The following DZIP3 variants were observed in gnomAD, a reference collection of about 807,000 sequenced individuals.
DZIP3 encodes DAZ interacting zinc finger protein 3.
In DZIP3, 118 loss-of-function variants were observed where a neutral mutation model predicts 162.0. The observed-to-expected ratio is 0.73, with a 90% CI of 0.63 to 0.85. The LOEUF (loss-of-function observed/expected upper bound fraction) is 0.85, where lower values mean the gene tolerates loss of function less well. Among genes scored for constraint, DZIP3 ranks in the 40% least tolerant of loss-of-function variants. The pLI is 0.00. For synonymous variants in DZIP3, 438 were observed against 458.6 expected, an observed-to-expected ratio of 0.96 and a Z score of 0.57; for missense variants, 1,331 against 1,407.0, an observed-to-expected ratio of 0.95 and a Z score of 0.86.
At chr3:108,650,132 G>A (rs1239114566) in intron 17 of DZIP3, among the ~76,000 whole-genome samples, 1 of 151,842 alleles carries the variant, frequency 6.6e-6, no homozygotes, top group African/African-American at 2.4e-5. Flanking sequence ...ATATGGTAAT[G>A]CTCAAGCTCT....
chr3:108,659,549 C>G (rs1273950288), intron 19 of DZIP3, among the ~76,000 whole-genome samples: 1 of 152,048 alleles, frequency 6.6e-6, no homozygotes, highest in African/African-American at 2.4e-5. Flanking sequence ...TGGGCAAAAA[C>G]TGGAAGCATT....
chr3:108,631,480 A>G lies in DZIP3; in HGVS notation c.697-1473A>G, dbSNP rs181210553. On this transcript the variant is annotated intron_variant, in intron 8 of 32. Coordinates refer to ENST00000361582, the MANE Select transcript of DZIP3 (RefSeq NM_014648.4). ...CAGCCTCAACCTCCTGTGCTCAAGC[A>G]ATTCTTTTCCTTCAGCCTCCCAAGT... Among the ~76,000 whole-genome samples, 368 of 151,646 alleles carry G rather than the reference A, an allele frequency of 2.4e-3. 2 individuals are homozygous for G. The highest frequency in any genetic ancestry group is 8.4e-3 in the African/African-American group (349 of 41,398).
chr3:108,689,548 G>A (rs531505286), intron 31 of DZIP3, among the ~76,000 whole-genome samples: 3 of 152,152 alleles, frequency 2.0e-5, no homozygotes, highest in South Asian at 2.1e-4. Flanking sequence ...TTAGCCGGGC[G>A]TGGTGGCGGG....
chr3:108,631,055 A>ACTCTCTCTCTCTCTCTCTCTCTCTCTCT (rs1270598841), intron 8 of DZIP3, among the ~76,000 whole-genome samples: 1 of 18,006 alleles, frequency 5.6e-5, no homozygotes, highest in Non-Finnish European at 9.0e-5. Flanking sequence ...ACACACACAC[A>ACTCTCTCTCTCTCTCTCTCTCTCTCTCT]CTCTCTCTCT....
intron 24 of DZIP3, 49 bp from the exon 25 acceptor site, chr3:108,675,737 G>T (rs758589066): frequency 3.3e-6 from 5 of 1,521,766 alleles, no homozygotes; most frequent in Middle Eastern, 1.7e-4. Flanking sequence ...GGAAACCTAA[G>T]TGTTATAAAA....
chr3:108,666,840 T>C (rs773943490), intron 21 of DZIP3, among the ~76,000 whole-genome samples: 17 of 152,064 alleles, frequency 1.1e-4, no homozygotes, highest in Admixed American at 4.6e-4. Flanking sequence ...TGAATTTACA[T>C]GAAAATACAA....
chr3:108,629,028 G>T, intron 7 of DZIP3, 34 bp from the exon 8 acceptor site: 1 of 1,413,712 alleles, frequency 7.1e-7, no homozygotes. Context: ...ACACAGTCCC[G>T]TTCAAACTAA....
intron 10 of DZIP3, 87 bp downstream of exon 10, chr3:108,635,059 C>T (rs879927113): frequency 1.5e-5 from 11 of 735,596 alleles, no homozygotes; most frequent in Non-Finnish European, 2.4e-5. Context: ...TCTTCCTGTT[C>T]ATAACTTCCC....
rs1373169440 is a variant in DZIP3, at chr3:108,646,784, T to G, written c.1792+135T>G. The G allele has an allele frequency of 4.9e-6, 3 of 614,608 alleles. No individual in the cohort carries two copies. The African/African-American group carries it at 5.9e-5, about 12-fold the overall frequency. The allele number at this position is 614,608 out of a possible 1,614,324, so 38.1% of individuals were successfully genotyped here. ...TGGGCCAGGCGCAGTGGCTCACGCCTATAATCCCTGTACTTTGGGAGGCTG... is the reference window on the plus strand; with the variant it reads ...TGGGCCAGGCGCAGTGGCTCACGCCGATAATCCCTGTACTTTGGGAGGCTG... On this transcript the variant is annotated intron_variant, in intron 15 of 32. Coordinates refer to ENST00000361582, the MANE Select transcript of DZIP3 (RefSeq NM_014648.4).
intron 14 of DZIP3, among the ~76,000 whole-genome samples, chr3:108,646,264 A>C (rs1361340392): frequency 6.6e-6 from 1 of 152,232 alleles, no homozygotes; most frequent in Non-Finnish European, 1.5e-5. Flanking sequence ...ATTGCTAAAA[A>C]TAGGTCCCAA....
intron 21 of DZIP3, among the ~76,000 whole-genome samples, chr3:108,662,666 C>T (rs1284426673): frequency 6.6e-6 from 1 of 152,106 alleles, no homozygotes; most frequent in Non-Finnish European, 1.5e-5. Flanking sequence ...TCTAAGCCTG[C>T]GAGATTGAAA....
intron 22 of DZIP3, among the ~76,000 whole-genome samples, chr3:108,670,702 C>T (rs2107345292): frequency 6.6e-6 from 1 of 151,970 alleles, no homozygotes; most frequent in South Asian, 2.1e-4. Context: ...AATTGCCAAA[C>T]TGTTTTCCAA....
At chr3:108,644,904 C>T in intron 14 of DZIP3, 123 bp downstream of exon 14, 1 of 849,512 alleles carries the variant, frequency 1.2e-6, no homozygotes. Context: ...ATGGACTCAT[C>T]AGGAAGGTAA....
intron 19 of DZIP3, 28 bp downstream of exon 19, chr3:108,654,338 C>T: frequency 6.2e-7 from 1 of 1,612,132 alleles, no homozygotes; most frequent in Middle Eastern, 1.7e-4. Context: ...GGGTGCCTGC[C>T]TTCTCTTATT....
chr3:108,656,681 T>C (rs1943137978), intron 19 of DZIP3, among the ~76,000 whole-genome samples: 1 of 151,710 alleles, frequency 6.6e-6, no homozygotes, highest in Admixed American at 6.6e-5. Flanking sequence ...CTTCAGACGA[T>C]CAAACTACTC....
chr3:108,633,222 T>A (rs1466079626), intron 9 of DZIP3, 150 bp downstream of exon 9: 3 of 274,672 alleles, frequency 1.1e-5, no homozygotes, highest in African/African-American at 6.8e-5. Context: ...AAAGTTATTT[T>A]ACTATGAGAA....
intron 23 of DZIP3, among the ~76,000 whole-genome samples, chr3:108,673,001 T>C (rs1943979484): frequency 2.0e-5 from 3 of 151,936 alleles, no homozygotes; most frequent in South Asian, 2.1e-4. Flanking sequence ...TGCCACAATA[T>C]CTTCTTTGCT....
At chr3:108,674,057 C>G (rs774342208) in intron 23 of DZIP3, 21 bp from the exon 24 acceptor site, 33 of 1,569,982 alleles carry the variant, frequency 2.1e-5, no homozygotes. Context: ...ACTTCTTTCT[C>G]TTTCTCTCAA....
chr3:108,670,191 A>G (rs1000376055), intron 22 of DZIP3, among the ~76,000 whole-genome samples: 5 of 151,906 alleles, frequency 3.3e-5, no homozygotes, highest in South Asian at 2.1e-4. Flanking sequence ...AAAATATACA[A>G]TTTATTGATT....
Sources: allele counts gnomAD v4.1 joint callset (sites outside exome capture counted in the v4.1 genomes callset), GRCh38; gene constraint gnomAD v4.1.1; transcripts MANE v1.5; gene names NCBI Gene and HGNC (gene_info 2026-07-23, HGNC 2026-07-21).